Variants in CELSR1 observed in about 807,000 individuals in gnomAD.
The protein encoded by CELSR1 is cadherin EGF LAG seven-pass G-type receptor 1.
Under a neutral mutation model 249.1 loss-of-function variants are expected in CELSR1, and 110 were observed. The ratio of observed to expected loss-of-function variants is 0.44; its 90% CI spans 0.38 to 0.52. CELSR1 has a LOEUF of 0.52. Among genes scored for constraint, CELSR1 ranks in the 20% least tolerant of loss-of-function variants. CELSR1 has a pLI of 0.00. For missense variants in CELSR1, 4,109 were observed against 4,296.4 expected (o/e 0.96, Z 1.22); for synonymous variants, 2,113 against 1,900.0 (o/e 1.11, Z -2.92).
intron 9 of CELSR1, among the ~76,000 whole-genome samples, chr22:46,404,581 C>T (rs1457900442): frequency 6.6e-6 from 1 of 151,980 alleles, no homozygotes; most frequent in Non-Finnish European, 1.5e-5. Context: ...GCTTTTTGGT[C>T]TCTATTGATA....
chr22:46,511,795 C>T (rs2080576777), intron 1 of CELSR1, among the ~76,000 whole-genome samples: 2 of 152,024 alleles, frequency 1.3e-5, no homozygotes, highest in South Asian at 4.2e-4. Flanking sequence ...GAGGTGTCTC[C>T]CTGGTATGGG....
At chr22:46,421,123 C>G (rs936987450) in intron 5 of CELSR1, among the ~76,000 whole-genome samples, 2 of 152,190 alleles carry the variant, frequency 1.3e-5, no homozygotes, top group African/African-American at 4.8e-5. Context: ...ATGAGGATCA[C>G]GTGGGGGACA....
At chr22:46,420,776 C>G (rs546929811) in intron 5 of CELSR1, among the ~76,000 whole-genome samples, 22 of 152,294 alleles carry the variant, frequency 1.4e-4, no homozygotes, top group South Asian at 1.2e-3. Context: ...GCCCTGATGA[C>G]CTTTCTGACC....
At chr22:46,483,809 G>A (rs2080289912) in intron 1 of CELSR1, among the ~76,000 whole-genome samples, 1 of 152,154 alleles carries the variant, frequency 6.6e-6, no homozygotes, top group Non-Finnish European at 1.5e-5. Flanking sequence ...AGTGAGGCCT[G>A]CAGTCTCCAC....
chr22:46,479,186 G>T (rs989854517), intron 1 of CELSR1, among the ~76,000 whole-genome samples: 1 of 151,760 alleles, frequency 6.6e-6, no homozygotes, highest in African/African-American at 2.4e-5. Flanking sequence ...GCCGACGGAC[G>T]CTCCCGGGGT....
rs2079338630 is a variant in CELSR1 at position 46,411,740 on chromosome 22, C to A, written c.4631G>T (p.Gly1544Val). ...TTCCCCGGACGGCCCATGGGGCAGG[C>A]CCAGGTGGCCAATATTGGGCTGTAA... ...YYNKPNIGHLGLPHGPSGEKM... is the reference protein window; with the variant it reads ...YYNKPNIGHLVLPHGPSGEKM... Residue 1544 changes from glycine (G) to valine (V), a missense_variant, in exon 6 of 35, where the codon GGC (glycine) becomes GTC (valine). This residue lies in a region of CELSR1 where 453 missense variants were observed against 492.0 expected (regional missense o/e 0.92). Coordinates refer to ENST00000674500, the MANE Select transcript of CELSR1 (RefSeq NM_001378328.1). The surrounding 1 kb of genome is among the most constrained non-coding windows in gnomAD (Gnocchi z 4.2). The A allele has an allele frequency of 1.2e-6, 2 of 1,614,046 alleles. No homozygotes were observed. The highest frequency in any genetic ancestry group is 2.2e-5 in the South Asian group (2 of 91,092).
chr22:46,531,846 G>C (rs1338565646), intron 1 of CELSR1, among the ~76,000 whole-genome samples: 1 of 152,134 alleles, frequency 6.6e-6, no homozygotes, highest in African/African-American at 2.4e-5. Context: ...TGTGTGTTGG[G>C]GCGGTGGTGG....
chr22:46,371,731 CCACT>C (rs1183851842), intron 25 of CELSR1, among the ~76,000 whole-genome samples: 1 of 150,520 alleles, frequency 6.6e-6, no homozygotes, highest in Non-Finnish European at 1.5e-5. Context: ...ACCCATCCAT[CCACT>C]CACTCACCTC....
intron 1 of CELSR1, among the ~76,000 whole-genome samples, chr22:46,491,251 C>A (rs2080364358): frequency 6.8e-6 from 1 of 146,004 alleles, no homozygotes. Context: ...AGAAATCTAG[C>A]CAGAAAGTCA....
chr22:46,499,448 T>C (rs911596200), intron 1 of CELSR1, among the ~76,000 whole-genome samples: 35 of 152,318 alleles, frequency 2.3e-4, no homozygotes, highest in Admixed American at 1.3e-3. Context: ...TGTGAGGACA[T>C]AGACGAACAG....
chr22:46,384,722 C>G, intron 19 of CELSR1, 36 bp from the exon 20 acceptor site: 3 of 1,583,706 alleles, frequency 1.9e-6, no homozygotes, highest in South Asian at 1.2e-5. Context: ...ACATAACTCC[C>G]AGGGCTTTCT....
chr22:46,371,230 A>G (rs2078847943), intron 25 of CELSR1, among the ~76,000 whole-genome samples: 1 of 152,266 alleles, frequency 6.6e-6, no homozygotes, highest in Admixed American at 6.5e-5. Context: ...CCTAGCCAGG[A>G]GCCTGCCTGG....
At chr22:46,384,715 T>G in intron 19 of CELSR1, 29 bp from the exon 20 acceptor site, 1 of 1,597,884 alleles carries the variant, frequency 6.3e-7, no homozygotes, top group Non-Finnish European at 8.5e-7. Context: ...TAATCAGACA[T>G]AACTCCCAGG....
In CELSR1 at chr22:46,533,870, G is replaced by T. The variant is rs780101304; in HGVS notation, c.3301C>A (p.Leu1101Met). 1.2e-5 allele frequency: 20 copies of T among 1,613,746 alleles called. No homozygotes were observed. Among genetic ancestry groups the T allele is most frequent in the Non-Finnish European group, 1.7e-5 (20 of 1,180,028 alleles). ...TTGAAGAGGATCTGGAAGTCGGGCA[G>T]CACAGGCGGGTTGTCATTCTGGTCC... ...LVDQNDNPPV[L>M]PDFQILFNNY... The change falls in exon 1 of 35, where the codon CTG becomes ATG. Residue 1101 changes from leucine (L) to methionine (M), a missense_variant. Leu to Met is a conservative substitution (Grantham distance 15). Coordinates refer to ENST00000674500, the MANE Select transcript of CELSR1 (RefSeq NM_001378328.1).
rs1333826867 is a variant in CELSR1 at position 46,512,454 on chromosome 22, C to T, written c.3544+21173G>A. Among the ~76,000 whole-genome samples the T allele has an allele frequency of 6.6e-6, 1 of 152,196 alleles. No homozygotes were observed. The highest frequency in any genetic ancestry group is 1.5e-5 in the Non-Finnish European group (1 of 68,042). On this transcript the variant is annotated intron_variant, in intron 1 of 34. Transcript: ENST00000674500. The surrounding 1 kb of genome is among the most constrained non-coding windows in gnomAD (Gnocchi z 5.2). ...CGGTGTGGTGGTGTACACCTATAAT[C>T]CCAGCTACGTAGAAGGCTGAGGCAC...
chr22:46,383,659 T>C (rs984452344), intron 20 of CELSR1, among the ~76,000 whole-genome samples: 1 of 152,098 alleles, frequency 6.6e-6, no homozygotes. Flanking sequence ...CCTGAGTAGG[T>C]GGGACTACAG....
In CELSR1 at chr22:46,472,812, G is replaced by A. The variant is rs936661341; in HGVS notation, c.3545-8467C>T. Reference sequence around the variant, plus strand: ...GGCTGGGGGTCCAGCAGTCCTTGGCGTTGCTTGGCTCCTAGGTGCACCCCT... The same window carrying A: ...GGCTGGGGGTCCAGCAGTCCTTGGCATTGCTTGGCTCCTAGGTGCACCCCT... On this transcript the variant is annotated intron_variant, in intron 1 of 34. Coordinates refer to ENST00000674500, the MANE Select transcript of CELSR1 (RefSeq NM_001378328.1). This position sits in a 1 kb window ranked among gnomAD's most constrained non-coding sequence, Gnocchi z 7.0. Among the ~76,000 whole-genome samples the A allele has an allele frequency of 1.2e-4, 18 of 152,134 alleles. No individual in the cohort carries two copies. Among genetic ancestry groups the A allele is most frequent in the African/African-American group, 2.2e-4 (9 of 41,428 alleles).
At chr22:46,368,724 C>T (rs1469862346) in intron 27 of CELSR1, among the ~76,000 whole-genome samples, 1 of 152,062 alleles carries the variant, frequency 6.6e-6, no homozygotes, top group African/African-American at 2.4e-5. Context: ...CCCTCTCCTC[C>T]CTAGAACACT....
At chr22:46,418,862 C>G (rs2079433326) in intron 5 of CELSR1, among the ~76,000 whole-genome samples, 3 of 152,176 alleles carry the variant, frequency 2.0e-5, no homozygotes, top group Non-Finnish European at 4.4e-5. Flanking sequence ...TGATTCTGGC[C>G]AAAGACAAAA....
Sources: gnomAD v4.1 joint callset for allele counts (sites outside exome capture counted in the v4.1 genomes callset) on GRCh38, gnomAD v4.1.1 for gene constraint, gnomAD v4.1.1 regional missense constraint, Gnocchi (gnomAD v3.1) non-coding constraint, MANE v1.5 for transcripts, NCBI Gene and HGNC (gene_info 2026-07-23, HGNC 2026-07-21) for gene names.